TOP3A: variants seen among roughly 807,000 people sequenced by gnomAD.
TOP3A encodes the protein DNA topoisomerase 3-alpha.
TOP3A carries 64 observed loss-of-function variants against 111.3 expected under a neutral mutation model. That is an observed-to-expected ratio of 0.57 (90% CI 0.47 to 0.71). The LOEUF is 0.71. Ranked by LOEUF, TOP3A falls within the 30% of genes least tolerant of loss-of-function variation. The probability of loss-of-function intolerance (pLI) is 0.00; values close to 1 mark genes in which losing one functional copy is unlikely to be tolerated. For synonymous variants in TOP3A, 484 were observed against 485.1 expected, an observed-to-expected ratio of 1.00 and a Z score of 0.03; for missense variants, 1,104 against 1,285.0, an observed-to-expected ratio of 0.86 and a Z score of 2.15.
In TOP3A at chr17:18,273,099, A is replaced by G. The variant is rs1214061757; in HGVS notation, c.*1703T>C. 6.6e-6 allele frequency: 1 copy of G among 152,126 alleles called. No homozygotes were observed. Among genetic ancestry groups the G allele is most frequent in the African/African-American group, 2.4e-5 (1 of 41,428 alleles). The allele number at this position is 152,126 out of a possible 1,614,324, so 9.4% of individuals were successfully genotyped here. On this transcript the variant is annotated 3_prime_UTR_variant, in exon 19 of 19. Transcript: ENST00000321105. ...CCCACTCGGAGATGTTCCAGGAACA[A>G]TCTCAGGAACCTGCATTTGTAAAAA...
In TOP3A at chr17:18,314,779, C is replaced by T. The variant is rs1268998446; in HGVS notation, c.-1G>A. The T allele has an allele frequency of 5.9e-6, 9 of 1,520,318 alleles. No individual in the cohort carries two copies. In the African/African-American group the frequency reaches 7.0e-5, roughly 12 times the overall value. The allele number at this position is 1,520,318 out of a possible 1,614,324, so 94.2% of individuals were successfully genotyped here. On this transcript the variant is annotated 5_prime_UTR_variant, in exon 1 of 19. Transcript: ENST00000321105. Reference sequence around the variant, plus strand: ...CGTAGCGGGCGACAGGAAAGATCATCCTCAGACCTCGCGCCCGGAGCCGCT... The same window carrying T: ...CGTAGCGGGCGACAGGAAAGATCATTCTCAGACCTCGCGCCCGGAGCCGCT...
intron 4 of TOP3A, 56 bp from the exon 5 acceptor site, chr17:18,305,276 G>T: frequency 2.1e-6 from 3 of 1,407,728 alleles, no homozygotes; most frequent in Admixed American, 3.4e-5. Context: ...ACAGTGACTT[G>T]ACATCTCTAA....
At chr17:18,305,288 C>A (rs931025007) in intron 4 of TOP3A, 68 bp from the exon 5 acceptor site, 6 of 1,288,660 alleles carry the variant, frequency 4.7e-6, no homozygotes, top group Non-Finnish European at 6.7e-6. Flanking sequence ...CATCTCTAAG[C>A]TAAGGGGATC....
intron 2 of TOP3A, 43 bp downstream of exon 2, chr17:18,308,839 C>A: frequency 1.5e-6 from 2 of 1,342,420 alleles, no homozygotes; most frequent in Admixed American, 2.1e-5. Context: ...ACTACTTTCT[C>A]TTGCTTATGA....
intron 9 of TOP3A, 100 bp downstream of exon 9, chr17:18,299,459 T>C (rs932853694): frequency 2.0e-6 from 2 of 987,870 alleles, no homozygotes; most frequent in African/African-American, 3.2e-5. Flanking sequence ...TGGTGATGGG[T>C]GATATTTTCT....
At chr17:18,285,932 G>A (rs1980064397) in intron 13 of TOP3A, among the ~76,000 whole-genome samples, 1 of 152,220 alleles carries the variant, frequency 6.6e-6, no homozygotes, top group Non-Finnish European at 1.5e-5. Flanking sequence ...GGGAGCAGTG[G>A]CTTATGCCTG....
chr17:18,284,902 A>G (rs918023951), intron 15 of TOP3A, among the ~76,000 whole-genome samples: 1 of 152,202 alleles, frequency 6.6e-6, no homozygotes, highest in Non-Finnish European at 1.5e-5. Context: ...GAGAGTTGTA[A>G]AAGAACCCAG....
chr17:18,283,218 A>T (rs547094895), intron 15 of TOP3A, among the ~76,000 whole-genome samples: 8 of 152,142 alleles, frequency 5.3e-5, no homozygotes, highest in African/African-American at 1.7e-4. Context: ...AAAAATACAA[A>T]ATTAGCCAGG....
intron 8 of TOP3A, among the ~76,000 whole-genome samples, chr17:18,300,168 C>T (rs570126587): frequency 5.2e-5 from 5 of 95,552 alleles, no homozygotes; most frequent in South Asian, 2.8e-4. Context: ...GAGGCCGAGG[C>T]GGGCGGATTA....
At chr17:18,301,790 A>G in intron 8 of TOP3A, 95 bp downstream of exon 8, 1 of 1,049,932 alleles carries the variant, frequency 9.5e-7, no homozygotes, top group East Asian at 2.5e-5. Context: ...TTAAAGCTAA[A>G]GTCCAATGGG....
rs1979009366 is a variant in TOP3A, at chr17:18,271,775, G to T, written c.*3027C>A. On this transcript the variant is annotated 3_prime_UTR_variant, in exon 19 of 19. Transcript: ENST00000321105. ...CAGACAACACAATTTAAAAATGGGG[G>T]AAGAGACCAGGTGTGATGGCTCCTG... 4.4e-6 allele frequency: 2 copies of T among 452,802 alleles called. No individual in the cohort carries two copies. Among genetic ancestry groups the T allele is most frequent in the Non-Finnish European group, 9.0e-6 (2 of 221,500 alleles). 28.0% of individuals were successfully genotyped at this position (452,802 alleles called of 1,614,324 possible).
At chr17:18,310,753 G>A (rs1340850166) in intron 1 of TOP3A, among the ~76,000 whole-genome samples, 1 of 152,100 alleles carries the variant, frequency 6.6e-6, no homozygotes, top group African/African-American at 2.4e-5. Flanking sequence ...ACTTCAAAAT[G>A]ATTAAAATGG....
intron 9 of TOP3A, among the ~76,000 whole-genome samples, chr17:18,297,712 C>T (rs909395265): frequency 8.6e-5 from 13 of 152,014 alleles, no homozygotes; most frequent in Non-Finnish European, 1.2e-4. Context: ...GACGGAGTCT[C>T]GTTCACTCCG....
At chr17:18,288,177 G>A (rs1364399822) in intron 13 of TOP3A, among the ~76,000 whole-genome samples, 2 of 108,396 alleles carry the variant, frequency 1.8e-5, no homozygotes, top group South Asian at 5.2e-4. Flanking sequence ...TTTTTAGATG[G>A]AGTCTCTCTC....
At chr17:18,296,639 T>C (rs1285842571) in intron 9 of TOP3A, among the ~76,000 whole-genome samples, 1 of 152,148 alleles carries the variant, frequency 6.6e-6, no homozygotes, top group Admixed American at 6.5e-5. Context: ...CCTCCACACA[T>C]ATACACATTT....
rs764959343 is a variant in TOP3A, at chr17:18,294,786, C to T, written c.991-1G>A. The T allele has an allele frequency of 6.2e-7, 1 of 1,612,422 alleles. No homozygotes were observed. The highest frequency in any genetic ancestry group is 1.7e-5 in the Admixed American group (1 of 60,008). ...TTCGAGAAGCCAGCTTCTCAAGCTC[C>T]TGTGAAATGGGTCAACAGGCATGTT... On this transcript the variant is annotated splice_acceptor_variant, in intron 9 of 18. Transcript: ENST00000321105. LOFTEE classifies it high-confidence loss of function.
intron 1 of TOP3A, among the ~76,000 whole-genome samples, chr17:18,313,806 G>C (rs1982068950): frequency 6.6e-6 from 1 of 152,134 alleles, no homozygotes; most frequent in African/African-American, 2.4e-5. Context: ...ACAGGTCTTA[G>C]GACCCTGGGA....
chr17:18,277,950 C>T lies in TOP3A; in HGVS notation c.2552G>A (p.Ser851Asn). ...GSCNFFLWAD[S>N]PNPGAGGPPA... Reference sequence around the variant, plus strand: ...AGGCCCTCCTGCTCCCGGATTGGGGCTGTCTGCCCACAGGAAGAAGTTGCA... The same window carrying T: ...AGGCCCTCCTGCTCCCGGATTGGGGTTGTCTGCCCACAGGAAGAAGTTGCA... Residue 851 changes from serine (S) to asparagine (N), a missense_variant, in exon 18 of 19, where the codon AGC becomes AAC. Transcript: ENST00000321105. 1 of 1,613,978 alleles carries T rather than the reference C, an allele frequency of 6.2e-7. No homozygotes were observed. The highest frequency in any genetic ancestry group is 8.5e-7 in the Non-Finnish European group (1 of 1,180,042).
Position 18,292,795 on chromosome 17 carries a change from C to G in TOP3A, c.1131G>C (p.Thr377=). 2 of 1,614,086 alleles carry G rather than the reference C, an allele frequency of 1.2e-6. No homozygotes were observed. Among genetic ancestry groups the G allele is most frequent in the South Asian group, 2.2e-5 (2 of 91,064 alleles). The change falls in exon 11 of 19, where the codon ACG becomes ACC. Residue 377 remains threonine (T), a synonymous_variant. Transcript: ENST00000321105. ...TNIFPRDLNL[T]VLVEQQTPDP... ...CGGGGGTCTGCTGTTCCACCAACAC[C>G]GTCAGGTTTAAGTCTCTGGGAAAAA...
Sources: gnomAD v4.1 joint callset for allele counts (sites outside exome capture counted in the v4.1 genomes callset) on GRCh38, gnomAD v4.1.1 for gene constraint, MANE v1.5 for transcripts, NCBI Gene and HGNC (gene_info 2026-07-23, HGNC 2026-07-21) for gene names.